Variants in TTC29 observed in about 807,000 individuals in gnomAD.
TTC29 encodes the protein tetratricopeptide repeat domain 29.
TTC29 carries 49 observed loss-of-function variants against 58.1 expected under a neutral mutation model. That is an observed-to-expected ratio of 0.84 (90% CI 0.67 to 1.07). The LOEUF is 1.07. TTC29 is among the 50% of genes least tolerant of loss of function. The pLI is 0.00. For synonymous variants in TTC29, 209 were observed against 196.8 expected (o/e 1.06, Z -0.52); for missense variants, 582 against 555.6 (o/e 1.05, Z -0.48).
At chr4:146,799,860 C>T (rs1750089953) in intron 11 of TTC29, among the ~76,000 whole-genome samples, 1 of 152,108 alleles carries the variant, frequency 6.6e-6, no homozygotes, top group African/African-American at 2.4e-5. Flanking sequence ...GTTGCTGTTC[C>T]ACATGTGGGT....
intron 11 of TTC29, among the ~76,000 whole-genome samples, chr4:146,784,743 A>C (rs1047849104): frequency 1.3e-5 from 2 of 152,188 alleles, no homozygotes; most frequent in African/African-American, 4.8e-5. Context: ...CCCAATTAAT[A>C]GCATTTTGTT....
intron 2 of TTC29, among the ~76,000 whole-genome samples, chr4:146,942,381 T>C (rs1029708071): frequency 3.3e-5 from 5 of 152,250 alleles, no homozygotes; most frequent in African/African-American, 1.2e-4. Context: ...TATTACCCTT[T>C]ATAACTTCAT....
At chr4:146,736,266 G>A (rs550271485) in intron 11 of TTC29, among the ~76,000 whole-genome samples, 64 of 151,898 alleles carry the variant, frequency 4.2e-4, no homozygotes, top group South Asian at 1.9e-3. Flanking sequence ...AAATGGTCTC[G>A]GTGAGAGTGG....
intron 11 of TTC29, among the ~76,000 whole-genome samples, chr4:146,745,728 T>C (rs772848209): frequency 6.6e-6 from 1 of 152,232 alleles, no homozygotes; most frequent in Non-Finnish European, 1.5e-5. Context: ...TACGCTGTTT[T>C]CAATAATTTA....
At chr4:146,846,164 T>G (rs1269370884) in intron 8 of TTC29, among the ~76,000 whole-genome samples, 1 of 152,152 alleles carries the variant, frequency 6.6e-6, no homozygotes, top group Non-Finnish European at 1.5e-5. Context: ...GAAAAGTGTA[T>G]GAAAAATTTC....
At chr4:146,921,827 C>A (rs1734599527) in intron 4 of TTC29, among the ~76,000 whole-genome samples, 1 of 150,684 alleles carries the variant, frequency 6.6e-6, no homozygotes, top group Admixed American at 6.6e-5. Context: ...ATATAATTAT[C>A]TATCAAACAA....
chr4:146,757,785 C>G (rs1258290531), intron 11 of TTC29, among the ~76,000 whole-genome samples: 1 of 152,046 alleles, frequency 6.6e-6, no homozygotes, highest in East Asian at 1.9e-4. Flanking sequence ...TTCATCATTA[C>G]CAAGCTGCCA....
Position 146,882,025 on chromosome 4 carries a change from C to T in TTC29, c.587-7097G>A, listed in dbSNP as rs543190344. On this transcript the variant is annotated intron_variant, in intron 6 of 12. Transcript: ENST00000325106. ...CTACCCCACACCAGTTAAAGAGTAT[C>T]GGTCATATTGACCAGACAATGTAAA... 4.6e-5 allele frequency among the ~76,000 whole-genome samples: 7 copies of T among 152,200 alleles called. No individual in the cohort carries two copies. The South Asian group carries it at 1.2e-3, about 27-fold the overall frequency.
chr4:146,834,933 C>T (rs1273648861), intron 8 of TTC29, among the ~76,000 whole-genome samples: 1 of 152,102 alleles, frequency 6.6e-6, no homozygotes, highest in African/African-American at 2.4e-5. Context: ...TGACATAATA[C>T]TGTTGTTAAA....
At chr4:146,819,673 A>C (rs1045968434) in intron 10 of TTC29, among the ~76,000 whole-genome samples, 13 of 152,140 alleles carry the variant, frequency 8.5e-5, no homozygotes, top group African/African-American at 3.1e-4. Context: ...TTTTCTGCAG[A>C]ATTATTTTTA....
chr4:146,899,024 C>T (rs1331153885), intron 6 of TTC29, among the ~76,000 whole-genome samples: 1 of 152,184 alleles, frequency 6.6e-6, no homozygotes, highest in Non-Finnish European at 1.5e-5. Flanking sequence ...AGTGCTGGTG[C>T]TTCCTCAACT....
chr4:146,859,617 T>C (rs17656146), intron 8 of TTC29, among the ~76,000 whole-genome samples: 16,136 of 152,000 alleles, frequency 0.11, 1,038 homozygotes, highest in East Asian at 0.2. Context: ...TTGTGCAAAG[T>C]AGAGATAAGA....
intron 2 of TTC29, among the ~76,000 whole-genome samples, chr4:146,940,306 A>G (rs1209558461): frequency 6.6e-6 from 1 of 152,222 alleles, no homozygotes; most frequent in Non-Finnish European, 1.5e-5. Flanking sequence ...ATAATTGAAA[A>G]TTGCTTATAC....
At chr4:146,875,053 A>G (rs768025765) in intron 6 of TTC29, 125 bp from the exon 7 acceptor site, 8 of 722,786 alleles carry the variant, frequency 1.1e-5, no homozygotes, top group South Asian at 1.8e-5. Context: ...AGGATTTCTA[A>G]GGCTGAAGAT....
intron 11 of TTC29, among the ~76,000 whole-genome samples, chr4:146,799,446 C>A (rs1208006797): frequency 6.6e-6 from 1 of 151,978 alleles, no homozygotes; most frequent in Non-Finnish European, 1.5e-5. Flanking sequence ...AAAAACATGA[C>A]TCAATATTAA....
At chr4:146,768,799 G>C (rs1747511727) in intron 11 of TTC29, among the ~76,000 whole-genome samples, 1 of 151,902 alleles carries the variant, frequency 6.6e-6, no homozygotes, top group Non-Finnish European at 1.5e-5. Flanking sequence ...GCTACAAAAT[G>C]GTTCAAAGTC....
intron 8 of TTC29, among the ~76,000 whole-genome samples, chr4:146,837,908 AGAG>A (rs1363265987): frequency 6.6e-6 from 1 of 152,036 alleles, no homozygotes; most frequent in East Asian, 1.9e-4. Context: ...GGCAAAAGAC[AGAG>A]GAGAACATTA....
At chr4:146,830,737 GA>G (rs1276894036) in intron 9 of TTC29, among the ~76,000 whole-genome samples, 1 of 152,162 alleles carries the variant, frequency 6.6e-6, no homozygotes, top group African/African-American at 2.4e-5. Context: ...TTTGGGCTAT[GA>G]AAGGGCTGGT....
intron 10 of TTC29, among the ~76,000 whole-genome samples, chr4:146,819,447 T>G (rs1274234880): frequency 6.6e-6 from 1 of 152,138 alleles, no homozygotes; most frequent in Non-Finnish European, 1.5e-5. Flanking sequence ...AAAACAGCAA[T>G]TATAACTAGA....
Sources: allele counts gnomAD v4.1 joint callset (sites outside exome capture counted in the v4.1 genomes callset), GRCh38; gene constraint gnomAD v4.1.1; transcripts MANE v1.5; gene names NCBI Gene and HGNC (gene_info 2026-07-23, HGNC 2026-07-21).